The following FRS2 variants were observed in gnomAD, a reference collection of about 807,000 sequenced individuals.
FRS2 encodes the protein FGFR signalling adaptor.
FRS2 carries 8 observed loss-of-function variants against 43.9 expected under a neutral mutation model. The ratio of observed to expected loss-of-function variants is 0.18; its 90% CI spans 0.11 to 0.33. FRS2 has a LOEUF of 0.33. Ranked by LOEUF, FRS2 falls within the 10% of genes least tolerant of loss-of-function variation. The probability of loss-of-function intolerance (pLI) is 1.00; values close to 1 mark genes in which losing one functional copy is unlikely to be tolerated. For missense variants in FRS2, 534 were observed against 627.6 expected, an observed-to-expected ratio of 0.85 and a Z score of 1.59; for synonymous variants, 219 against 220.3, an observed-to-expected ratio of 0.99 and a Z score of 0.05.
chr12:69,530,053 C>G (rs1248901908), intron 1 of FRS2, among the ~76,000 whole-genome samples: 1 of 149,014 alleles, frequency 6.7e-6, no homozygotes. Flanking sequence ...GACTCCGTCT[C>G]AAAAGAAAAA....
intron 5 of FRS2, 68 bp downstream of exon 5, chr12:69,569,164 C>T: frequency 4.6e-6 from 4 of 869,082 alleles, no homozygotes; most frequent in Non-Finnish European, 7.5e-6. Context: ...TTTCACTTAA[C>T]ATATCTTATT....
At chr12:69,503,947 T>C (rs529654518) in intron 1 of FRS2, among the ~76,000 whole-genome samples, 416 of 152,288 alleles carry the variant, frequency 2.7e-3, no homozygotes, top group African/African-American at 9.4e-3. Flanking sequence ...CTCATGCTTG[T>C]AATCCCAGCA....
chr12:69,538,950 C>T (rs1877606646), intron 3 of FRS2, among the ~76,000 whole-genome samples: 1 of 152,114 alleles, frequency 6.6e-6, no homozygotes, highest in South Asian at 2.1e-4. Flanking sequence ...TCCTAGATGC[C>T]ATGACACCCC....
chr12:69,572,116 A>AAAAACTCG lies in FRS2; in HGVS notation c.413-2_413-1insAAAACTCG, dbSNP rs772214215. On this transcript the variant is annotated splice_acceptor_variant, in intron 7 of 8. Coordinates refer to ENST00000549921, the MANE Select transcript of FRS2 (RefSeq NM_001278356.2). LOFTEE classifies it high-confidence loss of function. ...TCCTTAAACCAATAAACAAAAACTC[A>AAAAACTCG]GCTCCAGGATTTGCTGCTCAGAACT... is the stretch of plus-strand genomic sequence containing the variant. 1 of 1,612,120 alleles carries AAAAACTCG rather than the reference A, an allele frequency of 6.2e-7. No individual in the cohort carries two copies. The highest frequency in any genetic ancestry group is 8.5e-7 in the Non-Finnish European group (1 of 1,178,864).
chr12:69,572,049 C>G (rs79773230), intron 7 of FRS2, 69 bp from the exon 8 acceptor site: 4 of 1,203,942 alleles, frequency 3.3e-6, no homozygotes, highest in Admixed American at 3.7e-5. Flanking sequence ...AGTACAGATT[C>G]GATTCTTACT....
intron 1 of FRS2, among the ~76,000 whole-genome samples, chr12:69,515,474 G>A (rs375650139): frequency 1.1e-4 from 16 of 152,248 alleles, no homozygotes; most frequent in African/African-American, 2.9e-4. Context: ...TTAGAAATGA[G>A]TTACTGAGTG....
intron 1 of FRS2, among the ~76,000 whole-genome samples, chr12:69,472,015 T>C (rs1870343042): frequency 6.6e-6 from 1 of 152,222 alleles, no homozygotes; most frequent in South Asian, 2.1e-4. Context: ...AAAGGGTAGA[T>C]GATTTTTAAA....
intron 1 of FRS2, among the ~76,000 whole-genome samples, chr12:69,530,077 G>A (rs946861289): frequency 1.3e-5 from 2 of 151,820 alleles, no homozygotes; most frequent in Non-Finnish European, 2.9e-5. Context: ...ACAAAAACCA[G>A]TAAATAAAAC....
intron 1 of FRS2, among the ~76,000 whole-genome samples, chr12:69,484,194 C>T (rs947399595): frequency 3.3e-5 from 5 of 151,954 alleles, no homozygotes; most frequent in Admixed American, 1.3e-4. Context: ...ACGCCATTCT[C>T]CTGCCTCAGC....
At chr12:69,549,088 A>G (rs1484756215) in intron 3 of FRS2, among the ~76,000 whole-genome samples, 1 of 152,252 alleles carries the variant, frequency 6.6e-6, no homozygotes, top group African/African-American at 2.4e-5. Flanking sequence ...AATGAAGAAC[A>G]TAATTATTTA....
chr12:69,499,805 G>A (rs58097310), intron 1 of FRS2, among the ~76,000 whole-genome samples: 3,038 of 149,668 alleles, frequency 0.02, 94 homozygotes, highest in African/African-American at 0.071. Flanking sequence ...TGGGGGTGGG[G>A]GATGATCCAG....
chr12:69,546,491 C>T (rs920314519), intron 3 of FRS2, among the ~76,000 whole-genome samples: 5 of 152,168 alleles, frequency 3.3e-5, no homozygotes, highest in African/African-American at 1.2e-4. Flanking sequence ...CTCCTGGCCT[C>T]AAGTGATCTG....
intron 1 of FRS2, among the ~76,000 whole-genome samples, chr12:69,508,166 A>G (rs1002184847): frequency 6.6e-6 from 1 of 151,234 alleles, no homozygotes; most frequent in South Asian, 2.1e-4. Flanking sequence ...CAGTCTGTCC[A>G]TTTGTATCAT....
At chr12:69,484,287 T>C (rs1871629710) in intron 1 of FRS2, among the ~76,000 whole-genome samples, 1 of 152,112 alleles carries the variant, frequency 6.6e-6, no homozygotes. Context: ...GGTTTCACCA[T>C]GTTAGCCAGG....
intron 3 of FRS2, among the ~76,000 whole-genome samples, chr12:69,544,330 C>A (rs567053670): frequency 6.6e-6 from 1 of 152,044 alleles, no homozygotes; most frequent in African/African-American, 2.4e-5. Context: ...TGGGAGAAAA[C>A]CACATGATTG....
At chr12:69,511,099 G>A (rs753335800) in intron 1 of FRS2, among the ~76,000 whole-genome samples, 4 of 152,172 alleles carry the variant, frequency 2.6e-5, no homozygotes, top group African/African-American at 4.8e-5. Context: ...GGCAGTGCCA[G>A]TACTTGTGCT....
At chr12:69,491,505 A>ATTTTTTTTTTTTTT (rs35140712) in intron 1 of FRS2, 1 of 81,886 alleles carries the variant, frequency 1.2e-5, no homozygotes, top group Non-Finnish European at 2.2e-5. Flanking sequence ...CGTTTCTTCC[A>ATTTTTTTTTTTTTT]TTTTTTTTTT....
chr12:69,566,468 T>G (rs1330504548), intron 4 of FRS2, among the ~76,000 whole-genome samples: 1 of 152,112 alleles, frequency 6.6e-6, no homozygotes, highest in Non-Finnish European at 1.5e-5. Flanking sequence ...ATTTACTATT[T>G]TTTAAAAAAT....
intron 1 of FRS2, among the ~76,000 whole-genome samples, chr12:69,501,857 A>G (rs1276857758): frequency 6.6e-6 from 1 of 152,116 alleles, no homozygotes; most frequent in Non-Finnish European, 1.5e-5. Context: ...TTGTTGATAT[A>G]TTTTCCAGGT....
Sources: gnomAD v4.1 joint callset for allele counts (sites outside exome capture counted in the v4.1 genomes callset) on GRCh38, gnomAD v4.1.1 for gene constraint, MANE v1.5 for transcripts, NCBI Gene and HGNC (gene_info 2026-07-23, HGNC 2026-07-21) for gene names.